Variants in SH3BP2 observed in about 807,000 individuals in gnomAD.
The protein encoded by SH3BP2 is SH3 domain-binding protein 2.
In SH3BP2, 38 loss-of-function variants were observed where a neutral mutation model predicts 56.2. That is an observed-to-expected ratio of 0.68 (90% CI 0.52 to 0.89). The LOEUF (loss-of-function observed/expected upper bound fraction) is 0.89, where lower values mean the gene tolerates loss of function less well. SH3BP2 is among the 40% of genes least tolerant of loss of function. The probability of loss-of-function intolerance (pLI) is 0.00; values close to 1 mark genes in which losing one functional copy is unlikely to be tolerated. For synonymous variants in SH3BP2, 346 were observed against 316.7 expected, an observed-to-expected ratio of 1.09 and a Z score of -0.98; for missense variants, 748 against 762.6, an observed-to-expected ratio of 0.98 and a Z score of 0.23.
At chr4:2,826,484 TTGTG>T (rs1219841497) in intron 5 of SH3BP2, 86 of 155,452 alleles carry the variant, frequency 5.5e-4, no homozygotes, top group African/African-American at 3.1e-3. Flanking sequence ...GTGTTGCTGT[TTGTG>T]TGTGCATGTC....
rs1725312948 is a variant in SH3BP2, at chr4:2,838,621, T to A, written c.*4787T>A. Reference sequence around the variant, plus strand: ...AAATTTGTAAACTTTCTTAAAACATTATAAAGATTTTTGTTTGCGATTTTT... The same window carrying A: ...AAATTTGTAAACTTTCTTAAAACATAATAAAGATTTTTGTTTGCGATTTTT... On this transcript the variant is annotated 3_prime_UTR_variant, in exon 13 of 13. Transcript: ENST00000503393. The A allele has an allele frequency of 6.8e-6, 1 of 146,136 alleles. No homozygotes were observed. The highest frequency in any genetic ancestry group is 1.5e-5 in the Non-Finnish European group (1 of 66,536). 9.1% of individuals were successfully genotyped at this position (146,136 alleles called of 1,614,324 possible).
At chr4:2,817,600 G>A (rs1272035630) in intron 1 of SH3BP2, among the ~76,000 whole-genome samples, 1 of 152,210 alleles carries the variant, frequency 6.6e-6, no homozygotes, top group African/African-American at 2.4e-5. Context: ...AGGATGCCTG[G>A]GAGGCCAGCA....
At chr4:2,816,384 T>C (rs1475867534) in intron 1 of SH3BP2, among the ~76,000 whole-genome samples, 1 of 152,262 alleles carries the variant, frequency 6.6e-6, no homozygotes, top group African/African-American at 2.4e-5. Context: ...TTTCTGTATG[T>C]AAAATAATCT....
chr4:2,823,082 C>A lies in SH3BP2; in HGVS notation c.239+45C>A, dbSNP rs769909103. On this transcript the variant is annotated intron_variant, in intron 3 of 12. Coordinates refer to ENST00000503393, the MANE Select transcript of SH3BP2 (RefSeq NM_001122681.2). ...GCTGACCTCGGGCCCCCACAGCCAG[C>A]GGGTCCCTCCCAGCAGAGCCCCAGC... is the stretch of plus-strand genomic sequence containing the variant. 2.9e-6 allele frequency: 4 copies of A among 1,389,850 alleles called. No individual in the cohort carries two copies. In the African/African-American group the frequency reaches 4.3e-5, roughly 15 times the overall value. The allele number at this position is 1,389,850 out of a possible 1,614,324, so 86.1% of individuals were successfully genotyped here.
chr4:2,820,041 T>C (rs746459937), intron 1 of SH3BP2, among the ~76,000 whole-genome samples: 70 of 152,176 alleles, frequency 4.6e-4, no homozygotes, highest in Non-Finnish European at 8.8e-4. Context: ...TCACGACCAC[T>C]GCTGACAACA....
At chr4:2,799,178 C>A (rs1723157909) in intron 1 of SH3BP2, 1 of 985,472 alleles carries the variant, frequency 1.0e-6, no homozygotes, top group Admixed American at 6.1e-5. Context: ...GCTCCTTCCT[C>A]CCCACCGGAG....
intron 1 of SH3BP2, among the ~76,000 whole-genome samples, chr4:2,816,150 G>A (rs1187780693): frequency 6.6e-6 from 1 of 152,070 alleles, no homozygotes; most frequent in Non-Finnish European, 1.5e-5. Context: ...CACCTCCCGG[G>A]TTCAAGCGAT....
chr4:2,807,625 G>A (rs1723584888), intron 1 of SH3BP2, among the ~76,000 whole-genome samples: 1 of 152,232 alleles, frequency 6.6e-6, no homozygotes, highest in Admixed American at 6.5e-5. Flanking sequence ...GATGGGGCAA[G>A]TGCATGACAG....
chr4:2,810,488 G>A lies in SH3BP2; in HGVS notation c.-4-10126G>A, dbSNP rs959428342. Among the ~76,000 whole-genome samples, 1 of 151,836 alleles carries A rather than the reference G, an allele frequency of 6.6e-6. No homozygotes were observed. Among genetic ancestry groups the A allele is most frequent in the African/African-American group, 2.4e-5 (1 of 41,330 alleles). The stretch of plus-strand genomic sequence containing the variant: ...CCTGCTTCCAGCTCAGGCCTTGTCC[G>A]CTCTTGCATTTGCCTGCCCAGTAAG... On this transcript the variant is annotated intron_variant, in intron 1 of 12. Coordinates refer to ENST00000503393, the MANE Select transcript of SH3BP2 (RefSeq NM_001122681.2). The surrounding 1 kb of genome is among the most constrained non-coding windows in gnomAD (Gnocchi z 4.2).
intron 1 of SH3BP2, among the ~76,000 whole-genome samples, chr4:2,808,558 A>T (rs967071773): frequency 2.0e-5 from 3 of 152,000 alleles, no homozygotes; most frequent in Non-Finnish European, 4.4e-5. Flanking sequence ...GCCCAGTCCG[A>T]GTTCCCGGGA....
At chr4:2,822,698 G>A (rs531199749) in intron 2 of SH3BP2, among the ~76,000 whole-genome samples, 37 of 152,342 alleles carry the variant, frequency 2.4e-4, no homozygotes, top group African/African-American at 8.4e-4. Flanking sequence ...GGGCAGCCAG[G>A]CCTGCCCTCG....
At chr4:2,808,234 G>T (rs917620431) in intron 1 of SH3BP2, among the ~76,000 whole-genome samples, 8 of 152,142 alleles carry the variant, frequency 5.3e-5, no homozygotes, top group Non-Finnish European at 1.2e-4. Context: ...GCGATCCTCG[G>T]TGCCCTTGGT....
intron 1 of SH3BP2, among the ~76,000 whole-genome samples, chr4:2,806,221 G>A (rs1488992651): frequency 6.6e-6 from 1 of 152,132 alleles, no homozygotes; most frequent in Non-Finnish European, 1.5e-5. Context: ...GCCACTGGGT[G>A]GGGCAGGACT....
At chr4:2,823,156 C>G (rs1724401688) in intron 3 of SH3BP2, 119 bp downstream of exon 3, 1 of 753,456 alleles carries the variant, frequency 1.3e-6, no homozygotes, top group East Asian at 2.7e-5. Flanking sequence ...CCCGAAGCAG[C>G]CTTCGTGCCC....
chr4:2,825,778 C>T (rs561502657), intron 5 of SH3BP2, among the ~76,000 whole-genome samples: 4 of 152,356 alleles, frequency 2.6e-5, no homozygotes, highest in African/African-American at 9.6e-5. Flanking sequence ...TTTGGGTTCC[C>T]AGCCCCCTAC....
intron 1 of SH3BP2, among the ~76,000 whole-genome samples, chr4:2,807,273 A>G (rs556572557): frequency 1.1e-4 from 16 of 152,280 alleles, no homozygotes; most frequent in Admixed American, 5.9e-4. Context: ...TGAGAGTCCA[A>G]TTAGCGCTAA....
chr4:2,818,668 G>T, intron 1 of SH3BP2: 1 of 984,016 alleles, frequency 1.0e-6, no homozygotes, highest in South Asian at 4.8e-5. Flanking sequence ...CCTTCGGGCC[G>T]GGCGCGGTTG....
At position 2,827,582 on chromosome 4, in the gene SH3BP2, C is replaced by T. The variant is rs763478996; in HGVS notation, c.518-24C>T. The T allele has an allele frequency of 5.7e-6, 9 of 1,575,216 alleles. No homozygotes were observed. In the Admixed American group the frequency reaches 7.4e-5, roughly 13 times the overall value. On this transcript the variant is annotated intron_variant, in intron 6 of 12. Transcript: ENST00000503393. ...ACTGGGCCTGGGCCGGTTTGGCTCT[C>T]ACCACCCCCCTCTCCCCATGCAGAC...
At chr4:2,826,392 C>T (rs1384359947) in intron 5 of SH3BP2, 1 of 167,310 alleles carries the variant, frequency 6.0e-6, no homozygotes, top group South Asian at 1.0e-4. Context: ...CCGCGTGTTG[C>T]TCTGTGTGTG....
Sources: allele counts gnomAD v4.1 joint callset (sites outside exome capture counted in the v4.1 genomes callset), GRCh38; gene constraint gnomAD v4.1.1; non-coding constraint Gnocchi (gnomAD v3.1); transcripts MANE v1.5; gene names NCBI Gene and HGNC (gene_info 2026-07-23, HGNC 2026-07-21).